The following NSMAF variants were observed in gnomAD, a reference collection of about 807,000 sequenced individuals.
The protein encoded by NSMAF is protein FAN.
In NSMAF, 90 loss-of-function variants were observed where a neutral mutation model predicts 134.9. The observed-to-expected ratio is 0.67, with a 90% CI of 0.56 to 0.79. The LOEUF is 0.79. Among genes scored for constraint, NSMAF ranks in the 30% least tolerant of loss-of-function variants. The probability of loss-of-function intolerance (pLI) is 0.00; values close to 1 mark genes in which losing one functional copy is unlikely to be tolerated. For missense variants in NSMAF, 1,010 were observed against 1,119.0 expected, an observed-to-expected ratio of 0.90 and a Z score of 1.39; for synonymous variants, 358 against 389.6, an observed-to-expected ratio of 0.92 and a Z score of 0.96.
At chr8:58,597,578 T>C in intron 20 of NSMAF, 28 bp from the exon 21 acceptor site, 1 of 1,610,036 alleles carries the variant, frequency 6.2e-7, no homozygotes, top group South Asian at 1.1e-5. Flanking sequence ...AATAATGCAG[T>C]GAACCACTAG....
At position 58,624,299 on chromosome 8, in the gene NSMAF, G is replaced by A. The variant is rs140903039; in HGVS notation, c.385-519C>T. Among the ~76,000 whole-genome samples, 835 of 152,004 alleles carry A rather than the reference G, an allele frequency of 5.5e-3. 8 individuals are homozygous for A. The highest frequency in any genetic ancestry group is 0.019 in the African/African-American group (778 of 41,494). The stretch of plus-strand genomic sequence containing the variant: ...TGACCTCAGGTGATCCACCCGCCTC[G>A]GCCTCCCACAGTGCTGGGATTACAG... On this transcript the variant is annotated intron_variant, in intron 6 of 30. Transcript: ENST00000038176.
chr8:58,638,197 C>T (rs780175992), intron 2 of NSMAF, among the ~76,000 whole-genome samples: 3 of 152,098 alleles, frequency 2.0e-5, no homozygotes, highest in African/African-American at 4.8e-5. Flanking sequence ...CAGGTGTGCA[C>T]CACCATGCCC....
intron 1 of NSMAF, among the ~76,000 whole-genome samples, chr8:58,648,192 T>C (rs79040985): frequency 0.016 from 2,470 of 152,236 alleles, 25 homozygotes; most frequent in Non-Finnish European, 0.026. Flanking sequence ...CTGTGGAAGG[T>C]TGAACTTAAG....
intron 23 of NSMAF, among the ~76,000 whole-genome samples, chr8:58,593,459 T>C (rs1289747337): frequency 1.3e-5 from 2 of 152,210 alleles, no homozygotes; most frequent in Admixed American, 6.5e-5. Flanking sequence ...TAATCTCCTA[T>C]GATAAAGACT....
chr8:58,601,560 A>AAAAAAG, intron 14 of NSMAF, 25 bp from the exon 15 acceptor site: 2 of 1,575,250 alleles, frequency 1.3e-6, no homozygotes, highest in African/African-American at 2.8e-5. Context: ...AAAAAAAAAA[A>AAAAAAG]TAGAGCTAAG....
intron 5 of NSMAF, among the ~76,000 whole-genome samples, chr8:58,633,372 C>T (rs949842239): frequency 6.6e-6 from 1 of 152,214 alleles, no homozygotes; most frequent in Non-Finnish European, 1.5e-5. Context: ...CAGCTCAATG[C>T]CTTAAGCCTT....
At chr8:58,642,547 C>T (rs927325643) in intron 2 of NSMAF, among the ~76,000 whole-genome samples, 2 of 152,124 alleles carry the variant, frequency 1.3e-5, no homozygotes, top group African/African-American at 4.8e-5. Context: ...TACTTTATAA[C>T]ATTGTCACCC....
Position 58,623,357 on chromosome 8 carries a change from A to G in NSMAF, c.504+20T>C. The G allele has an allele frequency of 6.2e-7, 1 of 1,612,798 alleles. No individual in the cohort carries two copies. The highest frequency in any genetic ancestry group is 8.5e-7 in the Non-Finnish European group (1 of 1,179,014). On this transcript the variant is annotated intron_variant, in intron 8 of 30. Coordinates refer to ENST00000038176, the MANE Select transcript of NSMAF (RefSeq NM_003580.4). ...CAAGTTAATTGACAATCAAAGACAG[A>G]CATTGTTAAGAATACTTACCATGGC...
chr8:58,646,720 G>A (rs145730575), intron 1 of NSMAF, among the ~76,000 whole-genome samples: 51 of 151,698 alleles, frequency 3.4e-4, no homozygotes, highest in African/African-American at 1.1e-3. Flanking sequence ...TACATTTTAC[G>A]GAGTAAAAGA....
Position 58,603,365 on chromosome 8 carries a change from G to A in NSMAF, c.890C>T (p.Thr297Ile), listed in dbSNP as rs372894829. The A allele has an allele frequency of 7.4e-6, 12 of 1,613,930 alleles. No homozygotes were observed. In the Middle Eastern group the frequency reaches 6.8e-4, roughly 92 times the overall value. The change falls in exon 13 of 31, where the codon ACT (threonine) becomes ATT (isoleucine). Residue 297 changes from threonine (T) to isoleucine (I), a missense_variant. By Grantham distance (89) the Thr-to-Ile change is moderately conservative (BLOSUM62 -1). Coordinates refer to ENST00000038176, the MANE Select transcript of NSMAF (RefSeq NM_003580.4). ...CCACTGCAGCATGTAGCTCTCAGCA[G>A]TGTGCTCCGCCACATGGTGCTCTGG... ...TYLEHHVAEH[T>I]AESYMLQWQR...
At chr8:58,649,314 A>G (rs1807529680) in intron 1 of NSMAF, among the ~76,000 whole-genome samples, 1 of 152,200 alleles carries the variant, frequency 6.6e-6, no homozygotes, top group Non-Finnish European at 1.5e-5. Flanking sequence ...CCACCATTGT[A>G]TCTTGAAAGT....
At chr8:58,657,484 C>A (rs1273492091) in intron 1 of NSMAF, among the ~76,000 whole-genome samples, 2 of 152,142 alleles carry the variant, frequency 1.3e-5, no homozygotes, top group Non-Finnish European at 2.9e-5. Context: ...TTTATTGATG[C>A]AAGGGGATAA....
chr8:58,635,268 G>A (rs1399039659), intron 4 of NSMAF, 37 bp downstream of exon 4: 2 of 1,607,544 alleles, frequency 1.2e-6, no homozygotes, highest in Non-Finnish European at 1.7e-6. Flanking sequence ...CAGCTTTTTG[G>A]TTGAAGTAAA....
Position 58,659,722 on chromosome 8 carries a change from G to T in NSMAF, c.-91C>A. On this transcript the variant is annotated 5_prime_UTR_variant, in exon 1 of 31. Coordinates refer to ENST00000038176, the MANE Select transcript of NSMAF (RefSeq NM_003580.4). ...CGGAGGAGCCGGGGAGGGCGGGATTGGTGGCCGGCTGGGGAGCGCGCGGCT... is the reference window on the plus strand; with the variant it reads ...CGGAGGAGCCGGGGAGGGCGGGATTTGTGGCCGGCTGGGGAGCGCGCGGCT... 2 of 1,089,830 alleles carry T rather than the reference G, an allele frequency of 1.8e-6. No individual in the cohort carries two copies. Among genetic ancestry groups the T allele is most frequent in the Non-Finnish European group, 2.4e-6 (2 of 844,242 alleles). 67.5% of individuals were successfully genotyped at this position (1,089,830 alleles called of 1,614,324 possible).
intron 9 of NSMAF, among the ~76,000 whole-genome samples, chr8:58,618,303 G>C (rs529260478): frequency 6.6e-6 from 1 of 152,092 alleles, no homozygotes; most frequent in South Asian, 2.1e-4. Context: ...AGAACTTAAA[G>C]TATAATTTTT....
chr8:58,629,620 A>G (rs1408317101), intron 6 of NSMAF, among the ~76,000 whole-genome samples: 1 of 3,526 alleles, frequency 2.8e-4, no homozygotes, highest in Non-Finnish European at 4.2e-4. Flanking sequence ...TCCACACATT[A>G]AAAACAACAA....
At chr8:58,588,951 TTA>T (rs1476623566) in intron 26 of NSMAF, among the ~76,000 whole-genome samples, 1 of 151,976 alleles carries the variant, frequency 6.6e-6, no homozygotes, top group African/African-American at 2.4e-5. Flanking sequence ...GATAAACTTA[TTA>T]TATTAAGAAG....
intron 21 of NSMAF, among the ~76,000 whole-genome samples, chr8:58,596,288 T>C (rs60780937): frequency 0.029 from 4,479 of 152,280 alleles, 211 homozygotes; most frequent in East Asian, 0.2. Context: ...AAGCTATTTC[T>C]CCATGCTTGA....
chr8:58,584,259 CTT>C, intron 30 of NSMAF, 59 bp from the exon 31 acceptor site: 1 of 1,213,936 alleles, frequency 8.2e-7, no homozygotes, highest in Admixed American at 1.7e-5. Context: ...CAAAGATAAA[CTT>C]TACTCTGATG....
Sources: gnomAD v4.1 joint callset for allele counts (sites outside exome capture counted in the v4.1 genomes callset) on GRCh38, gnomAD v4.1.1 for gene constraint, MANE v1.5 for transcripts, NCBI Gene and HGNC (gene_info 2026-07-23, HGNC 2026-07-21) for gene names.